The following CNPY1 variants were observed in gnomAD, a reference collection of about 807,000 sequenced individuals.
CNPY1 encodes canopy FGF signaling regulator 1.
In CNPY1, 14 loss-of-function variants were observed where a neutral mutation model predicts 14.4. The ratio of observed to expected loss-of-function variants is 0.97; its 90% CI spans 0.64 to 1.52. The LOEUF (loss-of-function observed/expected upper bound fraction) is 1.52, where lower values mean the gene tolerates loss of function less well. Among genes scored for constraint, CNPY1 ranks in the 40% most tolerant of loss-of-function variants. The probability of loss-of-function intolerance (pLI) is 0.00; values close to 1 mark genes in which losing one functional copy is unlikely to be tolerated. For synonymous variants in CNPY1, 43 were observed against 46.5 expected (o/e 0.92, Z 0.31); for missense variants, 129 against 131.5 (o/e 0.98, Z 0.09).
intron 2 of CNPY1, among the ~76,000 whole-genome samples, chr7:155,522,264 T>C (rs1404680919): frequency 2.0e-5 from 3 of 152,248 alleles, no homozygotes; most frequent in Admixed American, 6.5e-5. Context: ...CTACCGCATG[T>C]TGTAGGCCAA....
chr7:155,540,930 G>T (rs1245714399), intron 2 of CNPY1, among the ~76,000 whole-genome samples: 1 of 152,214 alleles, frequency 6.6e-6, no homozygotes, highest in African/African-American at 2.4e-5. Flanking sequence ...ATTGTCTTGT[G>T]CTGTGTTGCC....
rs1010292027 is a variant in CNPY1, at chr7:155,519,150, G to A, written c.100-10053C>T. ...AAGAGGCCACCACACCCCAGGGGCC[G>A]GGAAAGGGGTGACCTGTGTCTTGCT... On this transcript the variant is annotated intron_variant, in intron 2 of 4. Transcript: ENST00000636446. 3.9e-5 allele frequency among the ~76,000 whole-genome samples: 6 copies of A among 152,268 alleles called. No individual in the cohort carries two copies. The East Asian group carries it at 9.6e-4, about 24-fold the overall frequency.
intron 2 of CNPY1, among the ~76,000 whole-genome samples, chr7:155,518,865 C>T (rs932041909): frequency 1.3e-5 from 2 of 152,164 alleles, no homozygotes; most frequent in Non-Finnish European, 2.9e-5. Context: ...TGCGCAGGCA[C>T]ATGCCAGCCA....
At chr7:155,515,769 T>C (rs913287187) in intron 2 of CNPY1, among the ~76,000 whole-genome samples, 2 of 152,142 alleles carry the variant, frequency 1.3e-5, no homozygotes, top group African/African-American at 4.8e-5. Context: ...GAGCCTCTTT[T>C]CAATGAGCGT....
Position 155,536,374 on chromosome 7 carries a change from C to T in CNPY1, c.99+9457G>A, listed in dbSNP as rs1236407902. On this transcript the variant is annotated intron_variant, in intron 2 of 4. Coordinates refer to ENST00000636446, the MANE Select transcript of CNPY1 (RefSeq NM_001393663.1). The surrounding 1 kb of genome is among the most constrained non-coding windows in gnomAD (Gnocchi z 4.1). ...TAGTCATAGGTTTCAGGAAACTTCTCAGGTCACCAAATGCATCCAGGGCCA... is the reference window on the plus strand; with the variant it reads ...TAGTCATAGGTTTCAGGAAACTTCTTAGGTCACCAAATGCATCCAGGGCCA... Among the ~76,000 whole-genome samples, 2 of 152,124 alleles carry T rather than the reference C, an allele frequency of 1.3e-5. No homozygotes were observed. The highest frequency in any genetic ancestry group is 4.8e-5 in the African/African-American group (2 of 41,408).
At chr7:155,545,140 G>A (rs1797143378) in intron 2 of CNPY1, among the ~76,000 whole-genome samples, 1 of 152,206 alleles carries the variant, frequency 6.6e-6, no homozygotes, top group African/African-American at 2.4e-5. Context: ...ACCCACTTCT[G>A]TTTAGCTTTG....
In CNPY1 at chr7:155,528,354, C is replaced by T. The variant is rs921229806; in HGVS notation, c.99+17477G>A. Reference sequence around the variant, plus strand: ...GTGGGCGGGCCCAGGAGCCCAGACTCGCCCATTCTGGGCAAGTGTGTTCAC... The same window carrying T: ...GTGGGCGGGCCCAGGAGCCCAGACTTGCCCATTCTGGGCAAGTGTGTTCAC... On this transcript the variant is annotated intron_variant, in intron 2 of 4. Transcript: ENST00000636446. Among the ~76,000 whole-genome samples the T allele has an allele frequency of 3.3e-5, 5 of 152,378 alleles. No individual in the cohort carries two copies. The South Asian group carries it at 6.2e-4, about 19-fold the overall frequency.
rs1797021898 is a variant in CNPY1, at chr7:155,536,282, G to A, written c.99+9549C>T. 1.3e-5 allele frequency among the ~76,000 whole-genome samples: 2 copies of A among 152,184 alleles called. No homozygotes were observed. The highest frequency in any genetic ancestry group is 6.5e-5 in the Admixed American group (1 of 15,270). On this transcript the variant is annotated intron_variant, in intron 2 of 4. Transcript: ENST00000636446. This position sits in a 1 kb window ranked among gnomAD's most constrained non-coding sequence, Gnocchi z 4.1. The stretch of plus-strand genomic sequence containing the variant: ...CCACTGCAGCAGACAGGTCCTGGGC[G>A]GGGCTGGTTATTTCTGCAGTACTGG...
intron 2 of CNPY1, among the ~76,000 whole-genome samples, chr7:155,542,905 G>A (rs958500750): frequency 1.4e-5 from 2 of 145,290 alleles, no homozygotes; most frequent in Non-Finnish European, 3.0e-5. Flanking sequence ...ACCCCCGCCC[G>A]AGGCTAGACG....
chr7:155,545,222 T>C (rs867208924), intron 2 of CNPY1, among the ~76,000 whole-genome samples: 4 of 152,226 alleles, frequency 2.6e-5, no homozygotes, highest in African/African-American at 7.2e-5. Flanking sequence ...AATTGGCTTA[T>C]GTGTTCTGGG....
At position 155,501,808 on chromosome 7, in the gene CNPY1, G is replaced by T. The variant is rs1796119125; in HGVS notation, c.*1260C>A. 1 of 152,194 alleles carries T rather than the reference G, an allele frequency of 6.6e-6. No homozygotes were observed. 9.4% of individuals were successfully genotyped at this position (152,194 alleles called of 1,614,324 possible). A position where few individuals can be genotyped will look rare whatever the true frequency, so the allele number is the denominator to read the frequency against. On this transcript the variant is annotated 3_prime_UTR_variant, in exon 5 of 5. Coordinates refer to ENST00000636446, the MANE Select transcript of CNPY1 (RefSeq NM_001393663.1). ...AAAAGAAGCACCCAAGTAATTAAGT[G>T]ACATTAACTCACTAACTTTTAATCA... is the stretch of plus-strand genomic sequence containing the variant.
Position 155,507,004 on chromosome 7 carries a change from A to G in CNPY1, c.400+16T>C, listed in dbSNP as rs781183204. 8 of 1,535,880 alleles carry G rather than the reference A, an allele frequency of 5.2e-6. No individual in the cohort carries two copies. Among genetic ancestry groups the G allele is most frequent in the Non-Finnish European group, 7.2e-6 (8 of 1,109,552 alleles). On this transcript the variant is annotated intron_variant, in intron 4 of 4. Transcript: ENST00000636446. ...GGTGTGCGAGCAGCGAGCACATGTT[A>G]CATCAGACACAGTACCTGATTTTTC...
chr7:155,540,979 AAAAT>A (rs765689626), intron 2 of CNPY1, among the ~76,000 whole-genome samples: 13 of 152,230 alleles, frequency 8.5e-5, no homozygotes, highest in Admixed American at 2.0e-4. Flanking sequence ...ATTTGTTTAA[AAAAT>A]AAATAAATAA....
intron 2 of CNPY1, among the ~76,000 whole-genome samples, chr7:155,516,364 G>A (rs1796622293): frequency 6.6e-6 from 1 of 152,172 alleles, no homozygotes; most frequent in Non-Finnish European, 1.5e-5. Context: ...TTTAACCTAT[G>A]CCAAAACAAC....
intron 2 of CNPY1, among the ~76,000 whole-genome samples, chr7:155,542,167 A>C (rs914097922): frequency 6.6e-6 from 1 of 150,432 alleles, no homozygotes; most frequent in Admixed American, 6.6e-5. Flanking sequence ...CCTCCCTGCC[A>C]GGCTGAGTGC....
chr7:155,540,337 C>T (rs972838376), intron 2 of CNPY1, among the ~76,000 whole-genome samples: 7 of 152,274 alleles, frequency 4.6e-5, no homozygotes, highest in Middle Eastern at 3.4e-3. Flanking sequence ...CTCATCTTAG[C>T]GCTAGCAAAT....
chr7:155,505,463 T>C (rs551228900), intron 4 of CNPY1, among the ~76,000 whole-genome samples: 3 of 152,364 alleles, frequency 2.0e-5, no homozygotes, highest in South Asian at 2.1e-4. Context: ...ATTCCAATTA[T>C]AAATATGCAG....
At chr7:155,530,399 A>C (rs1796916847) in intron 2 of CNPY1, among the ~76,000 whole-genome samples, 1 of 142,510 alleles carries the variant, frequency 7.0e-6, no homozygotes, top group Non-Finnish European at 1.5e-5. Flanking sequence ...TCCTGGGCCT[A>C]AGCAATCTTC....
At chr7:155,531,815 G>A (rs1166888145) in intron 2 of CNPY1, among the ~76,000 whole-genome samples, 5 of 152,186 alleles carry the variant, frequency 3.3e-5, no homozygotes, top group Admixed American at 3.3e-4. Flanking sequence ...GCTCCAGGGC[G>A]GTGCCTCAGA....
Sources: allele counts gnomAD v4.1 joint callset (sites outside exome capture counted in the v4.1 genomes callset), GRCh38; gene constraint gnomAD v4.1.1; non-coding constraint Gnocchi (gnomAD v3.1); transcripts MANE v1.5; gene names NCBI Gene and HGNC (gene_info 2026-07-23, HGNC 2026-07-21).